The following CARD8 variants were observed in gnomAD, a reference collection of about 807,000 sequenced individuals.
CARD8 encodes caspase recruitment domain-containing protein 8.
Under a neutral mutation model 53.2 loss-of-function variants are expected in CARD8, and 38 were observed. That is an observed-to-expected ratio of 0.71 (90% CI 0.55 to 0.94). CARD8 has a LOEUF of 0.94. Ranked by LOEUF, CARD8 falls within the 40% of genes least tolerant of loss-of-function variation. The pLI is 0.00. For missense variants in CARD8, 561 were observed against 655.5 expected (o/e 0.86, Z 1.57); for synonymous variants, 245 against 244.9 (o/e 1.00, Z 0.00).
At chr19:48,214,199 G>C (rs1448802480) in intron 13 of CARD8, among the ~76,000 whole-genome samples, 1 of 152,208 alleles carries the variant, frequency 6.6e-6, no homozygotes, top group Non-Finnish European at 1.5e-5. Flanking sequence ...GAGCCTTGCT[G>C]AGAGATGCTG....
At chr19:48,203,169 T>G (rs2037233185), downstream of CARD8, 1 of 152,144 alleles carries the variant, frequency 6.6e-6, no homozygotes, top group Admixed American at 6.6e-5. Context: ...TTCTTTAAAT[T>G]TAATTCGTCT....
At position 48,248,608 on chromosome 19, in the gene CARD8, T is replaced by C. The variant is rs368538220; in HGVS notation, c.-44+915A>G. Reference sequence around the variant, plus strand: ...AAAATCAAGTGTGAATATGAATGTGTAGCAATGGAAACTCGTAAACCAGTA... The same window carrying C: ...AAAATCAAGTGTGAATATGAATGTGCAGCAATGGAAACTCGTAAACCAGTA... On this transcript the variant is annotated intron_variant, in intron 3 of 13. Transcript: ENST00000651546. Among the ~76,000 whole-genome samples the C allele has an allele frequency of 5.3e-5, 8 of 152,320 alleles. No individual in the cohort carries two copies. The South Asian group carries it at 1.0e-3, about 20-fold the overall frequency.
chr19:48,247,179 C>T (rs1302864999), intron 3 of CARD8, among the ~76,000 whole-genome samples: 1 of 152,072 alleles, frequency 6.6e-6, no homozygotes, highest in Non-Finnish European at 1.5e-5. Context: ...CAAAAATTAC[C>T]TGGGTGTGGT....
At chr19:48,215,426 C>A (rs1043502014) in intron 12 of CARD8, 42 bp from the exon 13 acceptor site, 14 of 1,384,326 alleles carry the variant, frequency 1.0e-5, no homozygotes, top group South Asian at 2.3e-5. Flanking sequence ...TGAGATAAAT[C>A]ATGTACCCTT....
chr19:48,247,566 T>C (rs2046319221), intron 3 of CARD8, among the ~76,000 whole-genome samples: 1 of 151,876 alleles, frequency 6.6e-6, no homozygotes, highest in South Asian at 2.1e-4. Flanking sequence ...AATTTGTATA[T>C]GCATAAAGAA....
rs764067338 is a variant in CARD8, at chr19:48,230,795, G to C, written c.754C>G (p.His252Asp). The C allele has an allele frequency of 8.1e-6, 13 of 1,613,866 alleles. No homozygotes were observed. In the African/African-American group the frequency reaches 1.3e-4, roughly 17 times the overall value. ...EEAVAEIHLPHFISLQAGEVD... is the reference protein window; with the variant it reads ...EEAVAEIHLPDFISLQAGEVD... ...ACATTACCTTGGAGGGAGATGAAGT[G>C]GGGGAGGTGGATTTCGGCGACAGCC... The change falls in exon 9 of 14, where the codon CAC becomes GAC. Residue 252 changes from histidine (H) to aspartate (D), a missense_variant. His to Asp is a moderately conservative substitution (Grantham distance 81). Transcript: ENST00000651546.
Position 48,234,556 on chromosome 19 carries a change from A to T in CARD8, c.210-13T>A, listed in dbSNP as rs748610706. On this transcript the variant is annotated splice_polypyrimidine_tract_variant and intron_variant, in intron 5 of 13. Coordinates refer to ENST00000651546, the MANE Select transcript of CARD8 (RefSeq NM_001184900.3). ...CTCCCTGTATACCCTGGAAAACAAC[A>T]ACAGAATTTTTACTATGAATATAAG... 6.2e-7 allele frequency: 1 copy of T among 1,609,330 alleles called. No individual in the cohort carries two copies. The highest frequency in any genetic ancestry group is 2.2e-5 in the East Asian group (1 of 44,814).
At chr19:48,250,533 T>C (rs1268830587) in intron 1 of CARD8, among the ~76,000 whole-genome samples, 1 of 152,242 alleles carries the variant, frequency 6.6e-6, no homozygotes, top group Non-Finnish European at 1.5e-5. Context: ...CTGACAACTT[T>C]CAGATTTCTC....
intron 3 of CARD8, among the ~76,000 whole-genome samples, chr19:48,245,069 A>G (rs993213410): frequency 6.6e-6 from 1 of 152,256 alleles, no homozygotes; most frequent in African/African-American, 2.4e-5. Context: ...ATTCCAAAAT[A>G]TTGGACAAAT....
At chr19:48,207,897 G>A (rs1007689291), downstream of CARD8, among the ~76,000 whole-genome samples, 3 of 151,360 alleles carry the variant, frequency 2.0e-5, no homozygotes, top group East Asian at 1.9e-4. Context: ...CACCATGCCC[G>A]GCTAATTTTT....
Position 48,230,861 on chromosome 19 carries a change from C to T in CARD8, c.688G>A (p.Val230Met). 1 of 1,614,186 alleles carries T rather than the reference C, an allele frequency of 6.2e-7. No individual in the cohort carries two copies. Among genetic ancestry groups the T allele is most frequent in the Non-Finnish European group, 8.5e-7 (1 of 1,180,044 alleles). ...GTGACATCAAACAAGGGGCCGCCCA[C>T]CAGCCACTGTTCATGGTGCTGCAGG... ...LDLQHHEQWL[V>M]GGPLFDVTAE... Residue 230 changes from valine (V) to methionine (M), a missense_variant, in exon 9 of 14, where the codon GTG becomes ATG. Val to Met is a conservative substitution (Grantham distance 21). Transcript: ENST00000651546.
At chr19:48,222,016 A>G (rs1427638336) in intron 10 of CARD8, among the ~76,000 whole-genome samples, 161 bp from the exon 11 acceptor site, 1 of 152,248 alleles carries the variant, frequency 6.6e-6, no homozygotes, top group East Asian at 1.9e-4. Context: ...TGATAGGTAG[A>G]TACACAGATA....
intron 3 of CARD8, among the ~76,000 whole-genome samples, chr19:48,244,589 G>C (rs1464410811): frequency 1.3e-5 from 2 of 152,210 alleles, no homozygotes; most frequent in African/African-American, 4.8e-5. Flanking sequence ...GGAGATAAAT[G>C]TGGTAGAGGC....
chr19:48,241,199 A>T, intron 3 of CARD8, 136 bp from the exon 4 acceptor site: 1 of 599,122 alleles, frequency 1.7e-6, no homozygotes, highest in Non-Finnish European at 2.9e-6. Flanking sequence ...AATTGCTCCT[A>T]GTAGTGGTAG....
In CARD8 at chr19:48,210,435, A is replaced by G. The variant is rs905207020; in HGVS notation, c.*1275T>C. ...AGAAATGGTAAATATCTGGAAAAAC[A>G]TAACAGATTACTCTTCTCATGAGTT... is the stretch of plus-strand genomic sequence containing the variant. On this transcript the variant is annotated 3_prime_UTR_variant, in exon 14 of 14. Coordinates refer to ENST00000651546, the MANE Select transcript of CARD8 (RefSeq NM_001184900.3). 3 of 152,222 alleles carry G rather than the reference A, an allele frequency of 2.0e-5. No individual in the cohort carries two copies. The highest frequency in any genetic ancestry group is 4.4e-5 in the Non-Finnish European group (3 of 68,032). 9.4% of individuals were successfully genotyped at this position (152,222 alleles called of 1,614,324 possible).
intron 7 of CARD8, 34 bp from the exon 8 acceptor site, chr19:48,231,844 A>T (rs1202646718): frequency 1.2e-6 from 2 of 1,608,388 alleles, no homozygotes; most frequent in Non-Finnish European, 1.7e-6. Context: ...TAAGAGGTAA[A>T]GGGTTGGAAG....
At chr19:48,239,238 T>C (rs1416415194) in intron 4 of CARD8, among the ~76,000 whole-genome samples, 1 of 152,192 alleles carries the variant, frequency 6.6e-6, no homozygotes, top group Non-Finnish European at 1.5e-5. Flanking sequence ...TTCACAGACA[T>C]CACTCAGCAG....
At chr19:48,246,528 A>T (rs185142054) in intron 3 of CARD8, among the ~76,000 whole-genome samples, 2 of 152,156 alleles carry the variant, frequency 1.3e-5, no homozygotes, top group Non-Finnish European at 2.9e-5. Context: ...ACATGCCTGT[A>T]TTTACTTCTC....
chr19:48,226,755 G>A (rs1251386711), intron 10 of CARD8, among the ~76,000 whole-genome samples: 1 of 152,058 alleles, frequency 6.6e-6, no homozygotes, highest in East Asian at 1.9e-4. Flanking sequence ...GCTGAACGGA[G>A]TAAAACTGGT....
Sources: allele counts gnomAD v4.1 joint callset (sites outside exome capture counted in the v4.1 genomes callset), GRCh38; gene constraint gnomAD v4.1.1; transcripts MANE v1.5; gene names NCBI Gene and HGNC (gene_info 2026-07-23, HGNC 2026-07-21).